C6orf62: variants seen among roughly 807,000 people sequenced by gnomAD.
C6orf62 encodes chromosome 6 open reading frame 62.
Under a neutral mutation model 26.8 loss-of-function variants are expected in C6orf62, and 16 were observed. The ratio of observed to expected loss-of-function variants is 0.60; its 90% CI spans 0.40 to 0.91. C6orf62 has a LOEUF of 0.91. Ranked by LOEUF, C6orf62 falls within the 40% of genes least tolerant of loss-of-function variation. The pLI, the probability that C6orf62 is intolerant of heterozygous loss-of-function variation, is 0.00. For synonymous variants in C6orf62, 112 were observed against 91.5 expected (o/e 1.22, Z -1.28); for missense variants, 192 against 271.4 (o/e 0.71, Z 2.06).
In C6orf62 at chr6:24,713,199, G is replaced by A. The variant is rs377186705; in HGVS notation, c.429+1119C>T. On this transcript the variant is annotated intron_variant, in intron 3 of 4. Coordinates refer to ENST00000378119, the MANE Select transcript of C6orf62 (RefSeq NM_030939.5). ...ATGTAGTCCCATCATAAATCGAGGA[G>A]CACAATGAATTCATATGGCTTTCAC... Among the ~76,000 whole-genome samples, 91 of 152,272 alleles carry A rather than the reference G, an allele frequency of 6.0e-4. No individual in the cohort carries two copies. In the South Asian group the frequency reaches 0.017, roughly 29 times the overall value.
intron 3 of C6orf62, chr6:24,710,680 G>A (rs1318581722): frequency 2.1e-6 from 2 of 946,354 alleles, no homozygotes; most frequent in Non-Finnish European, 2.5e-6. Context: ...GATTTCCCCA[G>A]GACAAAGTAG....
chr6:24,709,931 AAAT>A, intron 3 of C6orf62: 1 of 985,484 alleles, frequency 1.0e-6, no homozygotes, highest in Non-Finnish European at 1.2e-6. Context: ...AAACAGTAGG[AAAT>A]AATAACATTG....
At chr6:24,707,543 G>C (rs574296179) in intron 4 of C6orf62, among the ~76,000 whole-genome samples, 1 of 151,986 alleles carries the variant, frequency 6.6e-6, no homozygotes, top group South Asian at 2.1e-4. Context: ...ATTTTTTGTA[G>C]AGATGTCGTC....
upstream of C6orf62, chr6:24,719,658 G>A: frequency 6.9e-7 from 1 of 1,453,362 alleles, no homozygotes; most frequent in Non-Finnish European, 9.0e-7. Context: ...CCTGCAACTA[G>A]TCCTACATTC....
upstream of C6orf62, chr6:24,720,383 C>T (rs1779332155): frequency 8.4e-7 from 1 of 1,190,998 alleles, no homozygotes; most frequent in Non-Finnish European, 1.0e-6. Flanking sequence ...CTGCAGTGCG[C>T]ACCGTGACTG....
chr6:24,717,637 A>AT, intron 1 of C6orf62, among the ~76,000 whole-genome samples: 2 of 152,204 alleles, frequency 1.3e-5, no homozygotes, highest in Non-Finnish European at 2.9e-5. Flanking sequence ...AGCAACAAAA[A>AT]TAATAAGAGT....
chr6:24,720,224 T>C, upstream of C6orf62: 3 of 1,321,442 alleles, frequency 2.3e-6, no homozygotes, highest in Non-Finnish European at 2.9e-6. Context: ...GGACCGACTC[T>C]AGGGCGGGGT....
At chr6:24,714,728 G>A (rs868094070) in intron 2 of C6orf62, among the ~76,000 whole-genome samples, 4 of 152,176 alleles carry the variant, frequency 2.6e-5, no homozygotes, top group African/African-American at 4.8e-5. Flanking sequence ...CGATTCTCGT[G>A]ACTTAGCCTC....
chr6:24,712,335 TCACGC>T (rs1471844397), intron 3 of C6orf62, among the ~76,000 whole-genome samples: 16 of 150,928 alleles, frequency 1.1e-4, no homozygotes, highest in Non-Finnish European at 1.5e-5. Flanking sequence ...TGAGCCAAGA[TCACGC>T]CACCACACTC....
At chr6:24,717,502 TAA>T (rs1779257223) in intron 1 of C6orf62, among the ~76,000 whole-genome samples, 3 of 152,324 alleles carry the variant, frequency 2.0e-5, no homozygotes, top group South Asian at 4.1e-4. Context: ...TTTTAGGAGT[TAA>T]GAGTTGGGGC....
In C6orf62 at chr6:24,710,695, G is replaced by A; in HGVS notation, c.430-1784C>T. The A allele has an allele frequency of 9.1e-6, 8 of 882,528 alleles. 1 individual carries two copies. Among genetic ancestry groups the A allele is most frequent in the Non-Finnish European group, 1.1e-5 (8 of 736,166 alleles). 54.7% of individuals were successfully genotyped at this position (882,528 alleles called of 1,614,324 possible). ...GATTTCCCCAGGACAAAGTAGTAATGGTAAGTAATCTGATAAACGCTGACT... is the reference window on the plus strand; with the variant it reads ...GATTTCCCCAGGACAAAGTAGTAATAGTAAGTAATCTGATAAACGCTGACT... On this transcript the variant is annotated intron_variant, in intron 3 of 4. Transcript: ENST00000378119.
rs141670198 is a variant in C6orf62 at position 24,719,027 on chromosome 6, A to C, written c.-359T>G. 17 of 1,110,702 alleles carry C rather than the reference A, an allele frequency of 1.5e-5. No homozygotes were observed. In the East Asian group the frequency reaches 1.3e-3, roughly 84 times the overall value. 68.8% of individuals were successfully genotyped at this position (1,110,702 alleles called of 1,614,324 possible). A position where few individuals can be genotyped will look rare whatever the true frequency, so the allele number is the denominator to read the frequency against. ...CTTTGCGGAGAAATGAAAAGCCTAT[A>C]ATCAGGATTTAGGTGTGCAATAAAA... On this transcript the variant is annotated 5_prime_UTR_variant, in exon 1 of 5. In the 5' UTR this introduces an upstream ATG that the reference lacks. Coordinates refer to ENST00000378119, the MANE Select transcript of C6orf62 (RefSeq NM_030939.5).
chr6:24,707,191 CG>C (rs1276228641), intron 4 of C6orf62: 1 of 152,090 alleles, frequency 6.6e-6, no homozygotes, highest in African/African-American at 2.4e-5. Context: ...AACAACCTTA[CG>C]TTAAATTTAA....
rs1171828018 is a variant in C6orf62 at position 24,706,239 on chromosome 6, G to A, written c.588C>T (p.Ile196=). Residue 196 remains isoleucine, a synonymous_variant, in exon 5 of 5, where the codon ATC becomes ATT. Transcript: ENST00000378119. ...AGAGGCAGATGCTGCATAACTTGAA[G>A]ATTGTAGCTTTGTTTTTTGGAGTCT... The part of the protein sequence containing the change: ...HLQTPKNKAT[I]FKLCSICLYL... 1.2e-6 allele frequency: 2 copies of A among 1,614,190 alleles called. No homozygotes were observed. Among genetic ancestry groups the A allele is most frequent in the Non-Finnish European group, 1.7e-6 (2 of 1,180,038 alleles).
intron 1 of C6orf62, among the ~76,000 whole-genome samples, chr6:24,717,266 G>C (rs1355241939): frequency 1.3e-5 from 2 of 152,062 alleles, no homozygotes; most frequent in African/African-American, 4.8e-5. Context: ...ACAAAGATAT[G>C]GTCTCACTAC....
chr6:24,705,450 A>C lies in C6orf62; in HGVS notation c.*687T>G, dbSNP rs1019476416. The C allele has an allele frequency of 1.3e-5, 2 of 152,662 alleles. No individual in the cohort carries two copies. Among genetic ancestry groups the C allele is most frequent in the African/African-American group, 4.8e-5 (2 of 41,460 alleles). 9.5% of individuals were successfully genotyped at this position (152,662 alleles called of 1,614,324 possible). A position where few individuals can be genotyped will look rare whatever the true frequency, so the allele number is the denominator to read the frequency against. On this transcript the variant is annotated 3_prime_UTR_variant, in exon 5 of 5. Transcript: ENST00000378119. The stretch of plus-strand genomic sequence containing the variant: ...AGACTCCAGATCTGCTTTAATGTGT[A>C]TAACTGCATCCACACGCAGCAGAAT...
In C6orf62 at chr6:24,710,099, A is replaced by G. The variant is rs921464749; in HGVS notation, c.430-1188T>C. 19 of 984,060 alleles carry G rather than the reference A, an allele frequency of 1.9e-5. No homozygotes were observed. The African/African-American group carries it at 3.0e-4, about 15-fold the overall frequency. 61.0% of individuals were successfully genotyped at this position (984,060 alleles called of 1,614,324 possible). ...CAAATATTAAATTATTAGTATGATCATAAGCATATCAAAAGCATGCTATTA... is the reference window on the plus strand; with the variant it reads ...CAAATATTAAATTATTAGTATGATCGTAAGCATATCAAAAGCATGCTATTA... On this transcript the variant is annotated intron_variant, in intron 3 of 4. Transcript: ENST00000378119.
chr6:24,718,816 T>G lies in C6orf62; in HGVS notation c.-148A>C, dbSNP rs1779291923. 3 of 1,507,152 alleles carry G rather than the reference T, an allele frequency of 2.0e-6. No homozygotes were observed. Among genetic ancestry groups the G allele is most frequent in the East Asian group, 4.7e-5 (2 of 42,192 alleles). 93.4% of individuals were successfully genotyped at this position (1,507,152 alleles called of 1,614,324 possible). The stretch of plus-strand genomic sequence containing the variant: ...AAAATCACGACTATAACCCAAAAAC[T>G]GCACCTTCTGTCAATATTAGCAGAC... On this transcript the variant is annotated 5_prime_UTR_variant, in exon 1 of 5. Coordinates refer to ENST00000378119, the MANE Select transcript of C6orf62 (RefSeq NM_030939.5).
upstream of C6orf62, chr6:24,720,012 A>AGGGGGGGGC: frequency 8.2e-6 from 12 of 1,463,168 alleles, no homozygotes; most frequent in Non-Finnish European, 1.0e-5. Flanking sequence ...TTCTAAAGTA[A>AGGGGGGGGC]GCCCACCCAC....
Sources: allele counts gnomAD v4.1 joint callset (sites outside exome capture counted in the v4.1 genomes callset), GRCh38; gene constraint gnomAD v4.1.1; transcripts MANE v1.5; gene names NCBI Gene and HGNC (gene_info 2026-07-23, HGNC 2026-07-21).